The following CNTD1 variants were observed in gnomAD, a reference collection of about 807,000 sequenced individuals.
The protein encoded by CNTD1 is cyclin N-terminal domain containing 1, also known as cyclin N-terminal domain-containing protein 1.
CNTD1 carries 17 observed loss-of-function variants against 36.3 expected under a neutral mutation model. That is an observed-to-expected ratio of 0.47 (90% CI 0.32 to 0.70). CNTD1 has a LOEUF of 0.70. Ranked by LOEUF, CNTD1 falls within the 30% of genes least tolerant of loss-of-function variation. CNTD1 has a pLI of 0.03. For missense variants in CNTD1, 338 were observed against 386.1 expected (o/e 0.88, Z 1.04); for synonymous variants, 128 against 153.3 (o/e 0.83, Z 1.22).
chr17:42,804,918 A>G (rs962255329), intron 3 of CNTD1, among the ~76,000 whole-genome samples: 1 of 151,846 alleles, frequency 6.6e-6, no homozygotes, highest in Non-Finnish European at 1.5e-5. Context: ...CATACCTTCT[A>G]CACACACACA....
chr17:42,811,030 T>A lies in CNTD1; in HGVS notation c.*1495T>A. 1 of 1,203,050 alleles carries A rather than the reference T, an allele frequency of 8.3e-7. No individual in the cohort carries two copies. Among genetic ancestry groups the A allele is most frequent in the Non-Finnish European group, 1.1e-6 (1 of 884,150 alleles). 74.5% of individuals were successfully genotyped at this position (1,203,050 alleles called of 1,614,324 possible). ...GGACCATTCACGTCATTTTATCTATTAAAGAACACTTGGTGAGGAATGATA... is the reference window on the plus strand; with the variant it reads ...GGACCATTCACGTCATTTTATCTATAAAAGAACACTTGGTGAGGAATGATA... On this transcript the variant is annotated 3_prime_UTR_variant, in exon 7 of 7. Coordinates refer to ENST00000588408, the MANE Select transcript of CNTD1 (RefSeq NM_173478.3).
chr17:42,808,774 AG>A (rs1481844390), intron 6 of CNTD1, among the ~76,000 whole-genome samples: 2 of 151,132 alleles, frequency 1.3e-5, no homozygotes, highest in Admixed American at 6.6e-5. Context: ...AAGGCCAGGC[AG>A]GGTTGCTCAC....
intron 6 of CNTD1, among the ~76,000 whole-genome samples, chr17:42,808,553 TAAAAAAAAAAA>T (rs775660371): frequency 1.0e-5 from 1 of 99,918 alleles, no homozygotes; most frequent in East Asian, 2.7e-4. Flanking sequence ...CCCATCTCAT[TAAAAAAAAAAA>T]AAAAAAAAAA....
rs758555275 is a variant in CNTD1 at position 42,807,814 on chromosome 17, G to C, written c.772G>C (p.Gly258Arg). The C allele has an allele frequency of 1.2e-6, 2 of 1,614,180 alleles. No homozygotes were observed. Among genetic ancestry groups the C allele is most frequent in the Admixed American group, 1.7e-5 (1 of 60,034 alleles). The stretch of plus-strand genomic sequence containing the variant: ...GGAAGACTTCATGCTGTTGGCAGTA[G>C]GAATCATTGCAGCAAGTGCTTTCAT... ...VKEDFMLLAV[G>R]IIAASAFIQN... is the part of the protein sequence containing the mutation. Residue 258 changes from glycine to arginine, a missense_variant, in exon 6 of 7, where the codon GGA becomes CGA. Transcript: ENST00000588408.
At position 42,807,785 on chromosome 17, in the gene CNTD1, T is replaced by A; in HGVS notation, c.743T>A (p.Val248Glu). 1.2e-6 allele frequency: 2 copies of A among 1,613,828 alleles called. No individual in the cohort carries two copies. Among genetic ancestry groups the A allele is most frequent in the Non-Finnish European group, 1.7e-6 (2 of 1,179,720 alleles). The change falls in exon 6 of 7, where the codon GTG becomes GAG. Residue 248 changes from valine to glutamate, a missense_variant. Val to Glu is a moderately radical substitution (Grantham distance 121, BLOSUM62 -2). Transcript: ENST00000588408. ...SQLQGEKFTS[V>E]KEDFMLLAVG... ...TCACTCAGGGAAAAGTTTACTTCAG[T>A]GAAGGAAGACTTCATGCTGTTGGCA...
At position 42,811,058 on chromosome 17, in the gene CNTD1, G is replaced by A; in HGVS notation, c.*1523G>A. 5.8e-6 allele frequency: 6 copies of A among 1,030,826 alleles called. No homozygotes were observed. Among genetic ancestry groups the A allele is most frequent in the Non-Finnish European group, 8.0e-6 (6 of 749,030 alleles). The allele number at this position is 1,030,826 out of a possible 1,614,324, so 63.9% of individuals were successfully genotyped here. A position where few individuals can be genotyped will look rare whatever the true frequency, so the allele number is the denominator to read the frequency against. On this transcript the variant is annotated 3_prime_UTR_variant, in exon 7 of 7. Transcript: ENST00000588408. ...AGAACACTTGGTGAGGAATGATAGT[G>A]TATTTTGGATTTGCTTGAAAGCCAA...
At position 42,806,678 on chromosome 17, in the gene CNTD1, C is replaced by T. The variant is rs1166717894; in HGVS notation, c.585C>T (p.Tyr195=). ...TCATTCCCATACTCCATCTAGGATA[C>T]AATGGCTGTTTGGTTCCAGCCATGA... ...YVETLLEVLG[Y]NGCLVPAMRL... is the part of the protein sequence containing the mutation. The change falls in exon 5 of 7, where the codon TAC becomes TAT. Residue 195 remains tyrosine, a synonymous_variant. Coordinates refer to ENST00000588408, the MANE Select transcript of CNTD1 (RefSeq NM_173478.3). The T allele has an allele frequency of 6.2e-7, 1 of 1,613,782 alleles. No homozygotes were observed. The highest frequency in any genetic ancestry group is 8.5e-7 in the Non-Finnish European group (1 of 1,179,672).
chr17:42,809,355 A>T lies in CNTD1; in HGVS notation c.823-10A>T. 1 of 1,598,538 alleles carries T rather than the reference A, an allele frequency of 6.3e-7. No individual in the cohort carries two copies. The highest frequency in any genetic ancestry group is 1.7e-5 in the Admixed American group (1 of 58,462). On this transcript the variant is annotated splice_polypyrimidine_tract_variant and intron_variant, in intron 6 of 6. Coordinates refer to ENST00000588408, the MANE Select transcript of CNTD1 (RefSeq NM_173478.3). The stretch of plus-strand genomic sequence containing the variant: ...TTTTAGTAATAAGAAATCTGTCTCT[A>T]TTTCTGAAGGTTGTGGGGCATTTGC...
At chr17:42,807,886 C>T in intron 6 of CNTD1, 22 bp downstream of exon 6, 1 of 1,530,900 alleles carries the variant, frequency 6.5e-7, no homozygotes, top group Non-Finnish European at 9.1e-7. Context: ...TGAGCAGGAC[C>T]AGCATGGTGA....
intron 1 of CNTD1, among the ~76,000 whole-genome samples, chr17:42,799,793 C>A: frequency 8.0e-6 from 1 of 124,986 alleles, no homozygotes. Context: ...AGGCTGGGCG[C>A]GGTGGCTCAC....
intron 4 of CNTD1, among the ~76,000 whole-genome samples, chr17:42,806,202 T>C (rs1322473139): frequency 6.7e-6 from 1 of 149,816 alleles, no homozygotes; most frequent in East Asian, 1.9e-4. Context: ...CACTCCAGCC[T>C]GAGCAACAGA....
chr17:42,804,219 CT>C lies in CNTD1; in HGVS notation c.246-5del. The C allele has an allele frequency of 6.2e-7, 1 of 1,611,624 alleles. No homozygotes were observed. Among genetic ancestry groups the C allele is most frequent in the Non-Finnish European group, 8.5e-7 (1 of 1,178,634 alleles). On this transcript the variant is annotated splice_region_variant and splice_polypyrimidine_tract_variant and intron_variant, in intron 2 of 6. Coordinates refer to ENST00000588408, the MANE Select transcript of CNTD1 (RefSeq NM_173478.3). The stretch of plus-strand genomic sequence containing the variant: ...GGATTGTTTACTCTCCCTCCCTTCC[CT>C]ACAGGTTTATGGTAAAACAGGCAGA...
chr17:42,807,989 T>C, intron 6 of CNTD1, 125 bp downstream of exon 6: 1 of 666,092 alleles, frequency 1.5e-6, no homozygotes, highest in South Asian at 1.9e-5. Flanking sequence ...AGGATGGGTG[T>C]GCAAGATTTG....
At position 42,799,060 on chromosome 17, in the gene CNTD1, T is replaced by G. The variant is rs1227231512; in HGVS notation, c.-8T>G. 6.2e-7 allele frequency: 1 copy of G among 1,613,360 alleles called. No individual in the cohort carries two copies. Among genetic ancestry groups the G allele is most frequent in the African/African-American group, 1.3e-5 (1 of 74,962 alleles). On this transcript the variant is annotated 5_prime_UTR_variant, in exon 1 of 7. Coordinates refer to ENST00000588408, the MANE Select transcript of CNTD1 (RefSeq NM_173478.3). ...AACCCGTCCAGGTGCCCCAAGAGGC[T>G]CGTGAATATGGACGGACCCATGAGG...
rs765788831 is a variant in CNTD1, at chr17:42,804,273, G to T, written c.294G>T (p.Gln98His). 2 of 1,614,132 alleles carry T rather than the reference G, an allele frequency of 1.2e-6. No homozygotes were observed. Among genetic ancestry groups the T allele is most frequent in the Non-Finnish European group, 1.7e-6 (2 of 1,180,010 alleles). The change falls in exon 3 of 7, where the codon CAG becomes CAT. Residue 98 changes from glutamine to histidine, a missense_variant. By Grantham distance (24) the Gln-to-His change is conservative. Coordinates refer to ENST00000588408, the MANE Select transcript of CNTD1 (RefSeq NM_173478.3). ...ACATCTGCAGGCAAGCCACAATCCA[G>T]CCAAGAGATAATAAGAGAGAGTCTC... ...AENICRQATI[Q>H]PRDNKRESQN...
chr17:42,805,021 T>A (rs902749517), intron 3 of CNTD1, among the ~76,000 whole-genome samples: 1 of 152,060 alleles, frequency 6.6e-6, no homozygotes, highest in Admixed American at 6.6e-5. Context: ...TTGGGACAGA[T>A]GCCATCATTC....
At position 42,799,177 on chromosome 17, in the gene CNTD1, A is replaced by G; in HGVS notation, c.110A>G (p.Glu37Gly). The G allele has an allele frequency of 6.2e-7, 1 of 1,613,990 alleles. No homozygotes were observed. Among genetic ancestry groups the G allele is most frequent in the Non-Finnish European group, 8.5e-7 (1 of 1,180,000 alleles). ...CTGCTTCACTTGGCCCAGCAGAATG[A>G]GCAAGCAGTGAGGGAGGCTTCGGGG... is the stretch of plus-strand genomic sequence containing the variant. ...DALLHLAQQN[E>G]QAVREASGRL... The change falls in exon 1 of 7, where the codon GAG (glutamate) becomes GGG (glycine). Residue 37 changes from glutamate (E) to glycine (G), a missense_variant. Coordinates refer to ENST00000588408, the MANE Select transcript of CNTD1 (RefSeq NM_173478.3).
At position 42,806,753 on chromosome 17, in the gene CNTD1, T is replaced by C. The variant is rs757091899; in HGVS notation, c.660T>C (p.His220=). 8 of 1,614,034 alleles carry C rather than the reference T, an allele frequency of 5.0e-6. No homozygotes were observed. The South Asian group carries it at 6.6e-5, about 13-fold the overall frequency. The change falls in exon 5 of 7, where the codon CAT becomes CAC. Residue 220 remains histidine, a synonymous_variant. Coordinates refer to ENST00000588408, the MANE Select transcript of CNTD1 (RefSeq NM_173478.3). ...LTLLDLVYLL[H]EPIYESLLRA... is the part of the protein sequence containing the mutation. Reference sequence around the variant, plus strand: ...TGCTCGACCTGGTCTATCTTCTGCATGAACCCATATATGAGAGCCTGTTGA... The same window carrying C: ...TGCTCGACCTGGTCTATCTTCTGCACGAACCCATATATGAGAGCCTGTTGA...
At chr17:42,804,965 C>T (rs1307963923) in intron 3 of CNTD1, among the ~76,000 whole-genome samples, 1 of 152,144 alleles carries the variant, frequency 6.6e-6, no homozygotes, top group African/African-American at 2.4e-5. Context: ...CTCACTCACA[C>T]AGAGGCAGTT....
Sources: allele counts gnomAD v4.1 joint callset (sites outside exome capture counted in the v4.1 genomes callset), GRCh38; gene constraint gnomAD v4.1.1; transcripts MANE v1.5; gene names NCBI Gene and HGNC (gene_info 2026-07-23, HGNC 2026-07-21).